The following IMMP2L variants were observed in gnomAD, a reference collection of about 807,000 sequenced individuals.
IMMP2L encodes mitochondrial inner membrane protease subunit 2.
A neutral mutation model predicts 19.3 loss-of-function variants in IMMP2L; 18 were observed. The observed-to-expected ratio is 0.93, with a 90% CI of 0.64 to 1.38. The LOEUF is 1.38. IMMP2L is among the 40% of genes most tolerant of loss of function. IMMP2L has a pLI of 0.00. For synonymous variants in IMMP2L, 76 were observed against 73.0 expected (o/e 1.04, Z -0.21); for missense variants, 233 against 218.2 (o/e 1.07, Z -0.43).
At chr7:110,876,736 T>C (rs1007848970) in intron 5 of IMMP2L, among the ~76,000 whole-genome samples, 7 of 152,148 alleles carry the variant, frequency 4.6e-5, no homozygotes, top group African/African-American at 1.7e-4. Flanking sequence ...ACCAATAGTA[T>C]TATCAAATAA....
At chr7:111,150,737 T>C (rs1803981438) in intron 3 of IMMP2L, among the ~76,000 whole-genome samples, 1 of 152,238 alleles carries the variant, frequency 6.6e-6, no homozygotes, top group Non-Finnish European at 1.5e-5. Flanking sequence ...ATATTCACTT[T>C]ATGGCGGAAA....
intron 5 of IMMP2L, among the ~76,000 whole-genome samples, chr7:110,789,572 G>A (rs1184479610): frequency 1.3e-5 from 2 of 151,604 alleles, no homozygotes; most frequent in African/African-American, 4.9e-5. Context: ...AATAGAAAGA[G>A]TACTTCTCTA....
intron 3 of IMMP2L, among the ~76,000 whole-genome samples, chr7:111,437,174 G>A (rs1233733870): frequency 4.0e-5 from 6 of 151,700 alleles, no homozygotes; most frequent in Admixed American, 2.0e-4. Flanking sequence ...AGCCAGACAC[G>A]GTGGCTCGTG....
chr7:111,063,997 C>A (rs144137149), intron 3 of IMMP2L, among the ~76,000 whole-genome samples: 1 of 152,236 alleles, frequency 6.6e-6, no homozygotes, highest in East Asian at 1.9e-4. Flanking sequence ...TTTCTAGTAT[C>A]TTTTCAGCAG....
In IMMP2L at chr7:110,809,171, A is replaced by G. The variant is rs186870310; in HGVS notation, c.408+77422T>C. On this transcript the variant is annotated intron_variant, in intron 5 of 5. Transcript: ENST00000405709. ...CCTGGTTGGTGGGCAGGCAAAAAGC[A>G]AAGTCATATCAATGAAGAGATTTGG... Among the ~76,000 whole-genome samples, 429 of 152,166 alleles carry G rather than the reference A, an allele frequency of 2.8e-3. 4 individuals are homozygous for G. The highest frequency in any genetic ancestry group is 9.7e-3 in the African/African-American group (405 of 41,566).
At chr7:111,268,565 T>TTCTCTC (rs1562987578) in intron 3 of IMMP2L, among the ~76,000 whole-genome samples, 1 of 129,448 alleles carries the variant, frequency 7.7e-6, no homozygotes, top group African/African-American at 3.1e-5. Flanking sequence ...AACTTCACAT[T>TTCTCTC]TCTCTTTTTT....
At chr7:111,348,199 G>A (rs921621472) in intron 3 of IMMP2L, among the ~76,000 whole-genome samples, 1 of 151,266 alleles carries the variant, frequency 6.6e-6, no homozygotes, top group African/African-American at 2.4e-5. Context: ...ATGATGAGTT[G>A]ATGGGTGCAG....
intron 3 of IMMP2L, among the ~76,000 whole-genome samples, chr7:111,064,119 G>A (rs1307248090): frequency 6.6e-6 from 1 of 152,176 alleles, no homozygotes; most frequent in African/African-American, 2.4e-5. Flanking sequence ...TGGACTCACA[G>A]CTCCACGTGG....
At chr7:111,138,154 C>A (rs995766915) in intron 3 of IMMP2L, among the ~76,000 whole-genome samples, 1 of 152,126 alleles carries the variant, frequency 6.6e-6, no homozygotes, top group Non-Finnish European at 1.5e-5. Flanking sequence ...TTGTATAAAC[C>A]TACTTTAAAA....
At chr7:110,859,985 C>T (rs948856882) in intron 5 of IMMP2L, among the ~76,000 whole-genome samples, 5 of 151,882 alleles carry the variant, frequency 3.3e-5, no homozygotes, top group African/African-American at 9.7e-5. Context: ...TATTTTTAAC[C>T]TAAAACATTA....
At chr7:111,334,381 T>C (rs1224154077) in intron 3 of IMMP2L, among the ~76,000 whole-genome samples, 2 of 152,020 alleles carry the variant, frequency 1.3e-5, no homozygotes, top group African/African-American at 2.4e-5. Flanking sequence ...CACGTTGCTG[T>C]ACATGATAGG....
chr7:111,181,202 G>A (rs1292138799), intron 3 of IMMP2L, among the ~76,000 whole-genome samples: 3 of 151,920 alleles, frequency 2.0e-5, no homozygotes, highest in Non-Finnish European at 4.4e-5. Flanking sequence ...TAACATCACT[G>A]AGCCTAATTT....
chr7:111,153,207 T>A (rs532156025), intron 3 of IMMP2L, among the ~76,000 whole-genome samples: 2 of 152,216 alleles, frequency 1.3e-5, no homozygotes, highest in African/African-American at 4.8e-5. Flanking sequence ...TATTTAAAAG[T>A]CATCATGACT....
intron 3 of IMMP2L, among the ~76,000 whole-genome samples, chr7:111,424,069 G>A (rs1004376423): frequency 4.0e-5 from 6 of 151,788 alleles, no homozygotes; most frequent in Admixed American, 2.6e-4. Context: ...ATCTTATCAC[G>A]TATACCAACA....
At chr7:111,006,577 C>T (rs1212359979) in intron 3 of IMMP2L, among the ~76,000 whole-genome samples, 2 of 152,084 alleles carry the variant, frequency 1.3e-5, no homozygotes, top group East Asian at 1.9e-4. Context: ...TCCCTGCTTT[C>T]CTATTTCTTT....
chr7:110,898,903 C>A (rs1420739814), intron 4 of IMMP2L, among the ~76,000 whole-genome samples: 3 of 151,494 alleles, frequency 2.0e-5, no homozygotes, highest in Non-Finnish European at 4.4e-5. Flanking sequence ...GCTCAGGAAA[C>A]CTGCCTTTGT....
intron 5 of IMMP2L, among the ~76,000 whole-genome samples, chr7:110,852,133 G>A (rs548484799): frequency 6.6e-5 from 10 of 152,136 alleles, no homozygotes; most frequent in African/African-American, 1.4e-4. Flanking sequence ...ACTGTGAAGG[G>A]TCTGAGATTT....
intron 3 of IMMP2L, among the ~76,000 whole-genome samples, chr7:111,104,151 A>G (rs1307863893): frequency 6.6e-6 from 1 of 151,716 alleles, no homozygotes; most frequent in Non-Finnish European, 1.5e-5. Flanking sequence ...GCTGGAGGAT[A>G]CCTTCCTTCA....
chr7:111,364,315 C>G (rs531273858), intron 3 of IMMP2L, among the ~76,000 whole-genome samples: 1 of 151,948 alleles, frequency 6.6e-6, no homozygotes, highest in Admixed American at 6.6e-5. Context: ...TGCTAGTTAT[C>G]ATTTTACTTT....
Sources: gnomAD v4.1 joint callset for allele counts (sites outside exome capture counted in the v4.1 genomes callset) on GRCh38, gnomAD v4.1.1 for gene constraint, MANE v1.5 for transcripts, NCBI Gene and HGNC (gene_info 2026-07-23, HGNC 2026-07-21) for gene names.